The following POLI variants were observed in gnomAD, a reference collection of about 807,000 sequenced individuals.
The protein encoded by POLI is RAD30 homolog B.
A neutral mutation model predicts 51.6 loss-of-function variants in POLI; 58 were observed. The observed-to-expected ratio is 1.12, with a 90% CI of 0.91 to 1.40. The LOEUF is 1.40. POLI is among the 40% of genes most tolerant of loss of function. POLI has a pLI of 0.00. For missense variants in POLI, 921 were observed against 871.3 expected (o/e 1.06, Z -0.72); for synonymous variants, 322 against 299.7 (o/e 1.07, Z -0.77).
In POLI at chr18:54,294,755, G is replaced by A. The variant is rs3730828; in HGVS notation, c.*288G>A. The A allele has an allele frequency of 1.0e-3, 1,035 of 1,001,808 alleles. 14 individuals carry two copies. In the African/African-American group the frequency reaches 0.017, roughly 16 times the overall value. 62.1% of individuals were successfully genotyped at this position (1,001,808 alleles called of 1,614,324 possible). The stretch of plus-strand genomic sequence containing the variant: ...AATATTTTTCATGAATTGGTGGGGA[G>A]ATGTATATGTTTATATATAAAAAAT... On this transcript the variant is annotated 3_prime_UTR_variant, in exon 10 of 10. Coordinates refer to ENST00000579534, the MANE Select transcript of POLI (RefSeq NM_007195.3).
downstream of POLI, among the ~76,000 whole-genome samples, chr18:54,299,927 C>T (rs1211100183): frequency 1.3e-5 from 2 of 151,708 alleles, no homozygotes; most frequent in East Asian, 3.9e-4. Context: ...ATATTGGAAG[C>T]CAGAAGACAG....
At chr18:54,306,672 TG>T (rs913090376) in intron 3 of POLI, among the ~76,000 whole-genome samples, 2 of 152,238 alleles carry the variant, frequency 1.3e-5, no homozygotes, top group African/African-American at 4.8e-5. Context: ...TTTGTACCTC[TG>T]GTAGAATTCG....
At chr18:54,318,888 C>T (rs1474918961) in intron 3 of POLI, among the ~76,000 whole-genome samples, 2 of 152,042 alleles carry the variant, frequency 1.3e-5, no homozygotes, top group African/African-American at 4.8e-5. Flanking sequence ...TCTGGTGGAG[C>T]TTCTTTGCTT....
chr18:54,284,014 G>A lies in POLI; in HGVS notation c.1067+1G>A, dbSNP rs368443171. On this transcript the variant is annotated splice_donor_variant, in intron 7 of 9. Transcript: ENST00000579534. LOFTEE classifies it high-confidence loss of function. ...AACTACTTGCTAGTCTTTTAAACAG[G>A]TGATTTTCAATCCATTTTGCCAAGT... 3 of 1,300,820 alleles carry A rather than the reference G, an allele frequency of 2.3e-6. No individual in the cohort carries two copies. Among genetic ancestry groups the A allele is most frequent in the African/African-American group, 2.9e-5 (2 of 67,826 alleles). The allele number at this position is 1,300,820 out of a possible 1,614,324, so 80.6% of individuals were successfully genotyped here.
In POLI at chr18:54,292,019, G is replaced by T. The variant is rs201315797; in HGVS notation, c.1385G>T (p.Arg462Leu). Residue 462 changes from arginine to leucine, a missense_variant, in exon 9 of 10, where the codon CGC becomes CTC. By Grantham distance (102) the Arg-to-Leu change is moderately radical. Coordinates refer to ENST00000579534, the MANE Select transcript of POLI (RefSeq NM_007195.3). ...ATGCCATCATTATCAACTACTTCAC[G>T]CTCTGGCAAGCACAGTTTTGTAAGT... is the stretch of plus-strand genomic sequence containing the variant. ...YLMPSLSTTS[R>L]SGKHSFKMKD... is the part of the protein sequence containing the mutation. The T allele has an allele frequency of 1.2e-6, 2 of 1,602,678 alleles. No homozygotes were observed. Among genetic ancestry groups the T allele is most frequent in the South Asian group, 2.2e-5 (2 of 90,182 alleles).
At position 54,280,898 on chromosome 18, in the gene POLI, T is replaced by TA. The variant is rs1447956223; in HGVS notation, c.792dup (p.Pro265ThrfsTer6). On this transcript the variant is annotated frameshift_variant, in exon 5 of 10. Transcript: ENST00000579534. LOFTEE classifies it high-confidence loss of function. ...CATAGTTTGAATCACATAAAGGAAA[T>TA]ACCTGGTAAGACAAATATATTTGAA... 3.3e-6 allele frequency: 5 copies of TA among 1,517,592 alleles called. No individual in the cohort carries two copies. In the Admixed American group the frequency reaches 6.7e-5, roughly 20 times the overall value. The allele number at this position is 1,517,592 out of a possible 1,614,324, so 94.0% of individuals were successfully genotyped here.
At chr18:54,285,029 A>G (rs1254431978) in intron 7 of POLI, among the ~76,000 whole-genome samples, 2 of 152,202 alleles carry the variant, frequency 1.3e-5, no homozygotes, top group Admixed American at 6.5e-5. Flanking sequence ...TTTAGAGAAA[A>G]TGGTTTTTGG....
At chr18:54,286,982 A>T (rs2087774671) in intron 7 of POLI, among the ~76,000 whole-genome samples, 1 of 151,882 alleles carries the variant, frequency 6.6e-6, no homozygotes. Flanking sequence ...TTTGTTTTGG[A>T]TCTGTATTAT....
intron 5 of POLI, among the ~76,000 whole-genome samples, 172 bp from the exon 6 acceptor site, chr18:54,282,665 A>G (rs534692246): frequency 1.2e-4 from 19 of 152,208 alleles, no homozygotes; most frequent in African/African-American, 4.6e-4. Flanking sequence ...GATACTGTCC[A>G]TGGTTTCAGG....
rs376585554 is a variant in POLI, at chr18:54,282,953, C to T, written c.913C>T (p.Arg305Cys). 26 of 1,610,096 alleles carry T rather than the reference C, an allele frequency of 1.6e-5. No individual in the cohort carries two copies. Among genetic ancestry groups the T allele is most frequent in the African/African-American group, 4.0e-5 (3 of 74,798 alleles). The change falls in exon 6 of 10, where the codon CGT becomes TGT. Residue 305 changes from arginine (R) to cysteine (C), a missense_variant. By Grantham distance (180) the Arg-to-Cys change is radical. Transcript: ENST00000579534. Reference protein sequence around the residue: ...EKELGISVAQRIQKLSFGEDN... With the variant: ...EKELGISVAQCIQKLSFGEDN... ...AGAATTAGGAATTTCAGTTGCTCAG[C>T]GTATCCAAAAGCTCAGTTTTGGAGA...
chr18:54,281,746 C>CTTTTTTTTTTTTT (rs34681381), intron 5 of POLI, among the ~76,000 whole-genome samples: 1 of 141,786 alleles, frequency 7.1e-6, no homozygotes, highest in African/African-American at 2.6e-5. Context: ...GTTCTTGTAT[C>CTTTTTTTTTTTTT]TTTTTTTTTT....
At chr18:54,293,177 C>T (rs3730820) in intron 9 of POLI, among the ~76,000 whole-genome samples, 22 of 151,586 alleles carry the variant, frequency 1.5e-4, no homozygotes, top group African/African-American at 5.3e-4. Flanking sequence ...TAAACTAGTA[C>T]TATATCTTGA....
In POLI at chr18:54,307,477, G is replaced by A. The variant is rs146060108; in HGVS notation, c.334-12796G>A. ...TTTGTTGTGACTTCTGTTCTTTTAC[G>A]TTTGCTGAGGAGTGCTTTACCTCCA... On this transcript the variant is annotated intron_variant, in intron 3 of 4. Coordinates refer to the POLI transcript ENST00000579823. 3.9e-3 allele frequency among the ~76,000 whole-genome samples: 595 copies of A among 152,186 alleles called. 4 individuals carry two copies. Among genetic ancestry groups the A allele is most frequent in the African/African-American group, 0.013 (548 of 41,510 alleles).
In POLI at chr18:54,271,437, G is replaced by A. The variant is rs1410762204; in HGVS notation, c.193G>A (p.Ala65Thr). The A allele has an allele frequency of 1.2e-6, 2 of 1,610,660 alleles. No homozygotes were observed. The highest frequency in any genetic ancestry group is 1.7e-6 in the Non-Finnish European group (2 of 1,177,232). The change falls in exon 2 of 10, where the codon GCA becomes ACA. Residue 65 changes from alanine (A) to threonine (T), a missense_variant. By Grantham distance (58) the Ala-to-Thr change is moderately conservative (BLOSUM62 0). Transcript: ENST00000579534. ...IVHVDLDCFY[A>T]QVEMISNPEL... ...ACATGTGGATCTGGATTGCTTTTAT[G>A]CACAAGTAGAAATGATCTCAAATCC...
At chr18:54,293,336 A>G (rs2088116907) in intron 9 of POLI, among the ~76,000 whole-genome samples, 1 of 151,890 alleles carries the variant, frequency 6.6e-6, no homozygotes, top group Non-Finnish European at 1.5e-5. Flanking sequence ...CTAGGCCGCC[A>G]TTCTTTTATT....
At chr18:54,273,445 T>A (rs1410254619) in intron 2 of POLI, among the ~76,000 whole-genome samples, 1 of 151,826 alleles carries the variant, frequency 6.6e-6, no homozygotes, top group African/African-American at 2.4e-5. Flanking sequence ...TAATCTGCTT[T>A]TATATTGTCT....
At chr18:54,272,593 T>G (rs1284156748) in intron 2 of POLI, among the ~76,000 whole-genome samples, 1 of 151,854 alleles carries the variant, frequency 6.6e-6, no homozygotes, top group Non-Finnish European at 1.5e-5. Flanking sequence ...TGCCTCAGCC[T>G]TCCAAGTAGC....
At chr18:54,269,690 C>T (rs1487381952) in intron 1 of POLI, 29 bp downstream of exon 1, 4 of 1,487,582 alleles carry the variant, frequency 2.7e-6, no homozygotes, top group African/African-American at 2.9e-5. Flanking sequence ...AGCCAGCGGC[C>T]TCCTTGGGTG....
At chr18:54,291,184 A>C (rs2087993873) in intron 8 of POLI, among the ~76,000 whole-genome samples, 1 of 150,846 alleles carries the variant, frequency 6.6e-6, no homozygotes, top group South Asian at 2.1e-4. Flanking sequence ...TGGTTCTCTC[A>C]TTTCCAAATC....
Sources: allele counts gnomAD v4.1 joint callset (sites outside exome capture counted in the v4.1 genomes callset), GRCh38; gene constraint gnomAD v4.1.1; transcripts MANE v1.5; gene names NCBI Gene and HGNC (gene_info 2026-07-23, HGNC 2026-07-21).